DGLUCY: variants seen among roughly 807,000 people sequenced by gnomAD.
DGLUCY encodes D-glutamate cyclase, mitochondrial.
DGLUCY carries 58 observed loss-of-function variants against 58.5 expected under a neutral mutation model. The observed-to-expected ratio is 0.99, with a 90% CI of 0.80 to 1.23. The LOEUF (loss-of-function observed/expected upper bound fraction) is 1.23, where lower values mean the gene tolerates loss of function less well. Among genes scored for constraint, DGLUCY ranks in the 50% most tolerant of loss-of-function variants. The probability of loss-of-function intolerance (pLI) is 0.00; values close to 1 mark genes in which losing one functional copy is unlikely to be tolerated. For synonymous variants in DGLUCY, 325 were observed against 314.1 expected, an observed-to-expected ratio of 1.03 and a Z score of -0.37; for missense variants, 779 against 784.7, an observed-to-expected ratio of 0.99 and a Z score of 0.09.
At chr14:91,215,295 G>A in intron 12 of DGLUCY, 110 bp from the exon 13 acceptor site, 1 of 1,488,606 alleles carries the variant, frequency 6.7e-7, no homozygotes. Context: ...GATGATACTG[G>A]TGCTACGGGA....
intron 6 of DGLUCY, among the ~76,000 whole-genome samples, chr14:91,173,975 G>C (rs1049822461): frequency 7.2e-5 from 11 of 151,974 alleles, no homozygotes; most frequent in African/African-American, 9.7e-5. Flanking sequence ...TTCAGGGTGG[G>C]GCTGGTCACC....
At chr14:91,125,361 GA>G (rs2045611320) in intron 1 of DGLUCY, among the ~76,000 whole-genome samples, 1 of 152,212 alleles carries the variant, frequency 6.6e-6, no homozygotes, top group Non-Finnish European at 1.5e-5. Flanking sequence ...AAATGGATTT[GA>G]GCAGAAAAGG....
At chr14:91,130,998 A>C (rs1454542877) in intron 1 of DGLUCY, among the ~76,000 whole-genome samples, 2 of 151,780 alleles carry the variant, frequency 1.3e-5, no homozygotes, top group Admixed American at 6.6e-5. Flanking sequence ...CTCAGGCTGG[A>C]GTGCAGGGGC....
At chr14:91,095,476 C>T (rs1026599116) in intron 1 of DGLUCY, among the ~76,000 whole-genome samples, 2 of 152,196 alleles carry the variant, frequency 1.3e-5, no homozygotes, top group South Asian at 2.1e-4. Flanking sequence ...CTATGACGTG[C>T]ACTCCATGTT....
chr14:91,211,959 C>T (rs995175745), intron 12 of DGLUCY, among the ~76,000 whole-genome samples: 16 of 152,210 alleles, frequency 1.1e-4, no homozygotes, highest in African/African-American at 3.9e-4. Flanking sequence ...CGCCAACATG[C>T]CTGGCTAATT....
chr14:91,088,118 A>G lies in DGLUCY; in HGVS notation c.-82+27414A>G, dbSNP rs74083941. ...AGAAGGTGAGCTGGGAGCCAGGGAG[A>G]AGAGGACCCCATTGGAAATTGCAAG... On this transcript the variant is annotated intron_variant, in intron 1 of 4. Coordinates refer to the DGLUCY transcript ENST00000521334. Among the ~76,000 whole-genome samples the G allele has an allele frequency of 8.5e-3, 1,297 of 152,214 alleles. 13 individuals are homozygous for G. The highest frequency in any genetic ancestry group is 0.029 in the African/African-American group (1,215 of 41,518).
chr14:91,215,687 C>T, intron 13 of DGLUCY, 131 bp downstream of exon 13: 1 of 1,573,468 alleles, frequency 6.4e-7, no homozygotes, highest in South Asian at 1.1e-5. Context: ...CAGAGCCAGC[C>T]TTGAAGCAGA....
chr14:91,094,930 T>C (rs1327127223), intron 1 of DGLUCY, among the ~76,000 whole-genome samples: 1 of 152,088 alleles, frequency 6.6e-6, no homozygotes, highest in African/African-American at 2.4e-5. Flanking sequence ...TATACCACTT[T>C]GTAAAAGGAT....
At chr14:91,188,618 G>A (rs1348820916) in intron 8 of DGLUCY, among the ~76,000 whole-genome samples, 1 of 152,140 alleles carries the variant, frequency 6.6e-6, no homozygotes, top group Non-Finnish European at 1.5e-5. Context: ...TTGAGCCCGG[G>A]AGTTTGAGAC....
chr14:91,091,569 C>T (rs763168336), intron 1 of DGLUCY, among the ~76,000 whole-genome samples: 1 of 152,166 alleles, frequency 6.6e-6, no homozygotes, highest in Non-Finnish European at 1.5e-5. Flanking sequence ...GTCCATTTGT[C>T]TGTTCTCAGA....
intron 2 of DGLUCY, among the ~76,000 whole-genome samples, chr14:91,159,480 A>G (rs2140341135): frequency 6.6e-6 from 1 of 152,298 alleles, no homozygotes; most frequent in East Asian, 1.9e-4. Context: ...AAAGAAGTCA[A>G]CTTACAGGAT....
rs529195858 is a variant in DGLUCY, at chr14:91,125,934, A to AAAAAC, written c.-82+11670_-82+11674dup. 1.1e-4 allele frequency among the ~76,000 whole-genome samples: 16 copies of AAAAAC among 152,326 alleles called. No individual in the cohort carries two copies. In the South Asian group the frequency reaches 2.1e-3, roughly 20 times the overall value. ...GTGACAGAGCAGGACACAGTCTCTA[A>AAAAAC]AAAACAAAACAAAACAAAACAAATT... On this transcript the variant is annotated intron_variant, in intron 1 of 13. Transcript: ENST00000256324.
In DGLUCY at chr14:91,093,518, A is replaced by C. The variant is rs183035114; in HGVS notation, c.-82+32814A>C. ...TTATGCTACCTGGGCATGGTGGTTC[A>C]TGCCTGTAATCCCAGCACTTTGGGA... On this transcript the variant is annotated intron_variant, in intron 1 of 4. Transcript: ENST00000521334. Among the ~76,000 whole-genome samples, 21 of 152,322 alleles carry C rather than the reference A, an allele frequency of 1.4e-4. 1 individual carries two copies. Among genetic ancestry groups the C allele is most frequent in the African/African-American group, 4.3e-4 (18 of 41,578 alleles).
intron 6 of DGLUCY, among the ~76,000 whole-genome samples, chr14:91,174,125 C>A (rs1019157393): frequency 2.6e-5 from 4 of 151,956 alleles, no homozygotes; most frequent in Non-Finnish European, 5.9e-5. Flanking sequence ...TGTAATGAAG[C>A]CTCCGTAAAA....
At chr14:91,193,624 T>C (rs2050032781) in intron 9 of DGLUCY, among the ~76,000 whole-genome samples, 2 of 152,126 alleles carry the variant, frequency 1.3e-5, no homozygotes, top group African/African-American at 4.8e-5. Flanking sequence ...GCAGATCACC[T>C]GAGCTCAGGA....
intron 1 of DGLUCY, among the ~76,000 whole-genome samples, chr14:91,085,718 C>T (rs1370180325): frequency 6.6e-6 from 1 of 152,080 alleles, no homozygotes; most frequent in African/African-American, 2.4e-5. Context: ...CACAGGCGTG[C>T]ACCACCATAC....
At chr14:91,069,799 C>CTTTTTTTTTTTTTTTTTTTTTT (rs5810528) in intron 1 of DGLUCY, among the ~76,000 whole-genome samples, 37 of 121,022 alleles carry the variant, frequency 3.1e-4, no homozygotes, top group Non-Finnish European at 5.2e-4. Flanking sequence ...TGATATGCCT[C>CTTTTTTTTTTTTTTTTTTTTTT]TTTTTTTTTT....
At chr14:91,193,284 G>A (rs538386826) in intron 9 of DGLUCY, among the ~76,000 whole-genome samples, 39 of 152,128 alleles carry the variant, frequency 2.6e-4, no homozygotes, top group Non-Finnish European at 5.1e-4. Context: ...ATCTGACAAC[G>A]GTGTTGCTGG....
chr14:91,081,218 A>ACC (rs55704853), intron 1 of DGLUCY, among the ~76,000 whole-genome samples: 2 of 151,546 alleles, frequency 1.3e-5, no homozygotes, highest in Admixed American at 6.6e-5. Context: ...AAAAACAAAA[A>ACC]AAAAAGCATG....
Sources: allele counts gnomAD v4.1 joint callset (sites outside exome capture counted in the v4.1 genomes callset), GRCh38; gene constraint gnomAD v4.1.1; transcripts MANE v1.5; gene names NCBI Gene and HGNC (gene_info 2026-07-23, HGNC 2026-07-21).